The following CLASP1 variants were observed in gnomAD, a reference collection of about 807,000 sequenced individuals.
CLASP1 encodes the protein cytoplasmic linker associated protein 1, also known as CLIP-associating protein 1.
In CLASP1, 38 loss-of-function variants were observed where a neutral mutation model predicts 192.3. That is an observed-to-expected ratio of 0.20 (90% confidence interval 0.15 to 0.26). The LOEUF (loss-of-function observed/expected upper bound fraction) is 0.26, where lower values mean the gene tolerates loss of function less well. Ranked by LOEUF, CLASP1 falls within the 10% of genes least tolerant of loss-of-function variation. The probability of loss-of-function intolerance (pLI) is 1.00; values close to 1 mark genes in which losing one functional copy is unlikely to be tolerated. For synonymous variants in CLASP1, 691 were observed against 712.8 expected (o/e 0.97, Z 0.49); for missense variants, 1,433 against 1,932.5 (o/e 0.74, Z 4.85).
chr2:121,368,423 G>T (rs1244289147), intron 34 of CLASP1, among the ~76,000 whole-genome samples: 1 of 152,146 alleles, frequency 6.6e-6, no homozygotes, highest in Non-Finnish European at 1.5e-5. Flanking sequence ...CTGGGTCAAA[G>T]AACAGGACTT....
At chr2:121,432,662 A>AT (rs900428286) in intron 19 of CLASP1, among the ~76,000 whole-genome samples, 5 of 151,956 alleles carry the variant, frequency 3.3e-5, no homozygotes, top group African/African-American at 1.2e-4. Flanking sequence ...AAGTCTGATC[A>AT]TTTTTTCAAA....
intron 2 of CLASP1, among the ~76,000 whole-genome samples, chr2:121,595,004 C>T (rs1288536202): frequency 6.6e-6 from 1 of 152,140 alleles, no homozygotes; most frequent in Non-Finnish European, 1.5e-5. Context: ...GACCAAAGAA[C>T]TATTTTAAAT....
chr2:121,547,644 C>A (rs2057595596), intron 2 of CLASP1, among the ~76,000 whole-genome samples: 1 of 152,054 alleles, frequency 6.6e-6, no homozygotes, highest in Non-Finnish European at 1.5e-5. Flanking sequence ...TGCCAAGCTG[C>A]GATCTATAGC....
intron 2 of CLASP1, among the ~76,000 whole-genome samples, chr2:121,578,867 C>T (rs962430944): frequency 3.3e-5 from 5 of 152,080 alleles, no homozygotes; most frequent in African/African-American, 1.2e-4. Flanking sequence ...AAAAAAACTT[C>T]ACTCTGTAAG....
At chr2:121,454,510 C>T (rs968232983) in intron 14 of CLASP1, among the ~76,000 whole-genome samples, 1 of 151,926 alleles carries the variant, frequency 6.6e-6, no homozygotes, top group African/African-American at 2.4e-5. Flanking sequence ...CGTCTTGGGC[C>T]ACAAATAAAA....
chr2:121,537,249 A>C (rs1343899792), intron 2 of CLASP1, among the ~76,000 whole-genome samples: 3 of 151,902 alleles, frequency 2.0e-5, no homozygotes, highest in African/African-American at 7.3e-5. Flanking sequence ...AAAATTAGCC[A>C]GGCCTGGTGG....
At chr2:121,508,238 AAG>A (rs921150785) in intron 7 of CLASP1, among the ~76,000 whole-genome samples, 13 of 152,148 alleles carry the variant, frequency 8.5e-5, no homozygotes, top group African/African-American at 3.1e-4. Flanking sequence ...ATAGCAAAAA[AAG>A]AAGAAAACAG....
chr2:121,348,428 G>A, intron 38 of CLASP1, 84 bp downstream of exon 39: 1 of 1,250,286 alleles, frequency 8.0e-7, no homozygotes, highest in South Asian at 1.4e-5. Context: ...TGCCAGTGAA[G>A]GAGGAGCACA....
At chr2:121,391,255 A>G (rs896863042) in intron 30 of CLASP1, among the ~76,000 whole-genome samples, 3 of 152,192 alleles carry the variant, frequency 2.0e-5, no homozygotes, top group African/African-American at 7.2e-5. Context: ...CTACCTGTTT[A>G]CAACTTTCTT....
At chr2:121,630,227 C>G (rs1050776197) in intron 1 of CLASP1, among the ~76,000 whole-genome samples, 1 of 152,072 alleles carries the variant, frequency 6.6e-6, no homozygotes, top group Non-Finnish European at 1.5e-5. Flanking sequence ...GCCTCTATTC[C>G]TATTCTTTCT....
In CLASP1 at chr2:121,348,544, G is replaced by T. The variant is rs1365748759; in HGVS notation, c.4381C>A (p.Leu1461Ile). ...AAGCCTGGGATGATGTCGACAAGGA[G>T]CTGCAGCAATGACTCCTTTGCGATC... is the stretch of plus-strand genomic sequence containing the variant. Residue 1461 changes from leucine to isoleucine, a missense_variant, in exon 38 of 40, where the codon CTC (leucine) becomes ATC (isoleucine). Transcript: ENST00000263710. The T allele has an allele frequency of 6.2e-7, 1 of 1,612,586 alleles. No individual in the cohort carries two copies.
chr2:121,523,456 C>T (rs866197762), intron 6 of CLASP1, among the ~76,000 whole-genome samples: 61 of 152,326 alleles, frequency 4.0e-4, no homozygotes, highest in African/African-American at 1.4e-3. Flanking sequence ...CCCTTCCTGT[C>T]TCCTTTCTAC....
At chr2:121,366,019 G>A (rs1196011367) in intron 35 of CLASP1, among the ~76,000 whole-genome samples, 2 of 152,186 alleles carry the variant, frequency 1.3e-5, no homozygotes, top group East Asian at 3.8e-4. Flanking sequence ...AATCAGACAA[G>A]TTATTAGGAA....
intron 19 of CLASP1, among the ~76,000 whole-genome samples, chr2:121,441,763 C>T (rs2083389770): frequency 6.6e-6 from 1 of 151,922 alleles, no homozygotes; most frequent in African/African-American, 2.4e-5. Flanking sequence ...AAAAAATTTC[C>T]TTCATATTTT....
intron 2 of CLASP1, among the ~76,000 whole-genome samples, chr2:121,593,711 T>TA (rs200045819): frequency 6.6e-6 from 1 of 150,566 alleles, no homozygotes; most frequent in Non-Finnish European, 1.5e-5. Flanking sequence ...GAAACAGGAT[T>TA]AAAAAAATTT....
intron 2 of CLASP1, among the ~76,000 whole-genome samples, chr2:121,564,459 G>A (rs1198375178): frequency 6.6e-6 from 1 of 152,018 alleles, no homozygotes. Context: ...AGTCAGAAAG[G>A]GCCTTGGTCA....
intron 2 of CLASP1, among the ~76,000 whole-genome samples, chr2:121,575,016 A>G (rs2105467138): frequency 6.6e-6 from 1 of 152,296 alleles, no homozygotes; most frequent in Non-Finnish European, 1.5e-5. Context: ...GAGGTAACGC[A>G]TATACTAATT....
At chr2:121,451,925 AC>A in intron 14 of CLASP1, 76 bp from the exon 15 acceptor site, 2 of 922,202 alleles carry the variant, frequency 2.2e-6, no homozygotes, top group Non-Finnish European at 3.4e-6. Flanking sequence ...TTCTTAAGTG[AC>A]CCAATACTAT....
chr2:121,436,414 CTTT>C (rs753052497), intron 19 of CLASP1, among the ~76,000 whole-genome samples: 1 of 134,070 alleles, frequency 7.5e-6, no homozygotes. Context: ...GCTTTAGTGT[CTTT>C]TTTTTTTTTT....
Sources: allele counts gnomAD v4.1 joint callset (sites outside exome capture counted in the v4.1 genomes callset), GRCh38; gene constraint gnomAD v4.1.1; transcripts MANE v1.5; gene names NCBI Gene and HGNC (gene_info 2026-07-23, HGNC 2026-07-21).